The following ZFYVE1 variants were observed in gnomAD, a reference collection of about 807,000 sequenced individuals.
ZFYVE1 encodes zinc finger FYVE domain-containing protein 1.
A neutral mutation model predicts 74.4 loss-of-function variants in ZFYVE1; 30 were observed. That is an observed-to-expected ratio of 0.40 (90% CI 0.30 to 0.55). The LOEUF (loss-of-function observed/expected upper bound fraction) is 0.55. ZFYVE1 is among the 20% of genes least tolerant of loss of function. The probability of loss-of-function intolerance (pLI) is 0.42; values close to 1 mark genes in which losing one functional copy is unlikely to be tolerated. For synonymous variants in ZFYVE1, 335 were observed against 385.1 expected (o/e 0.87, Z 1.52); for missense variants, 703 against 1,011.6 (o/e 0.69, Z 4.14).
intron 1 of ZFYVE1, among the ~76,000 whole-genome samples, chr14:73,026,426 A>G (rs2140396701): frequency 6.6e-6 from 1 of 152,216 alleles, no homozygotes; most frequent in Middle Eastern, 3.4e-3. Flanking sequence ...CAATCTATCA[A>G]CCTTATTTTC....
chr14:72,982,389 G>GA (rs200299540), intron 4 of ZFYVE1, among the ~76,000 whole-genome samples: 10,951 of 135,808 alleles, frequency 0.081, 517 homozygotes, highest in East Asian at 0.2. Flanking sequence ...AATGTCACCA[G>GA]AAAAAAAAAA....
At position 72,972,801 on chromosome 14, in the gene ZFYVE1, G is replaced by A. The variant is rs571119188; in HGVS notation, c.2101+1279C>T. 2.3e-4 allele frequency among the ~76,000 whole-genome samples: 35 copies of A among 151,122 alleles called. No homozygotes were observed. In the East Asian group the frequency reaches 5.3e-3, roughly 23 times the overall value. ...CGCCTCACTGCAAGCTCCACCTCCC[G>A]GGTTCATGCCATTCTCCTGCCTCAG... On this transcript the variant is annotated intron_variant, in intron 11 of 11. Coordinates refer to ENST00000556143, the MANE Select transcript of ZFYVE1 (RefSeq NM_021260.4).
At chr14:73,023,329 A>ATATT (rs1555535666) in intron 2 of ZFYVE1, among the ~76,000 whole-genome samples, 39 of 89,912 alleles carry the variant, frequency 4.3e-4, no homozygotes, top group African/African-American at 1.7e-3. Context: ...TATAATATAT[A>ATATT]TTATATATGT....
chr14:73,025,693 C>CAAAA (rs34131740), intron 1 of ZFYVE1, among the ~76,000 whole-genome samples: 4 of 76,210 alleles, frequency 5.2e-5, no homozygotes, highest in Admixed American at 4.8e-4. Context: ...AAGACTCCCT[C>CAAAA]AAAAAAAAAA....
chr14:72,983,384 T>G (rs993328174), intron 4 of ZFYVE1, among the ~76,000 whole-genome samples: 2 of 125,734 alleles, frequency 1.6e-5, no homozygotes, highest in African/African-American at 3.0e-5. Context: ...ATGTGTGATG[T>G]TCCCCCCCTT....
At chr14:73,014,419 A>G (rs1330823671) in intron 2 of ZFYVE1, among the ~76,000 whole-genome samples, 1 of 152,186 alleles carries the variant, frequency 6.6e-6, no homozygotes, top group African/African-American at 2.4e-5. Context: ...CTCTACCAAT[A>G]TCACTAAACA....
intron 2 of ZFYVE1, among the ~76,000 whole-genome samples, chr14:73,019,425 T>C (rs12588808): frequency 6.9e-6 from 1 of 145,630 alleles, no homozygotes; most frequent in East Asian, 2.0e-4. Context: ...AAAAAAAAAA[T>C]CCCTATGTAC....
In ZFYVE1 at chr14:73,027,102, G is replaced by C; in HGVS notation, c.-611C>G. The stretch of plus-strand genomic sequence containing the variant: ...TGTTGTCAGTTGGGATCAGCTGATC[G>C]GAGTGAACTTCTCCCAGCTCGGACT... On this transcript the variant is annotated 5_prime_UTR_variant, in exon 1 of 12. Coordinates refer to ENST00000556143, the MANE Select transcript of ZFYVE1 (RefSeq NM_021260.4). 3 of 398,826 alleles carry C rather than the reference G, an allele frequency of 7.5e-6. No individual in the cohort carries two copies. Among genetic ancestry groups the C allele is most frequent in the Admixed American group, 4.4e-5 (1 of 22,744 alleles). The allele number at this position is 398,826 out of a possible 1,614,324, so 24.7% of individuals were successfully genotyped here.
intron 3 of ZFYVE1, among the ~76,000 whole-genome samples, chr14:72,997,307 GTTC>G (rs1216758573): frequency 2.6e-5 from 4 of 152,130 alleles, no homozygotes; most frequent in African/African-American, 9.7e-5. Flanking sequence ...CAATCTCATT[GTTC>G]TTCTTTGCTT....
chr14:73,021,863 A>G (rs1383706274), intron 2 of ZFYVE1, among the ~76,000 whole-genome samples: 1 of 152,200 alleles, frequency 6.6e-6, no homozygotes, highest in African/African-American at 2.4e-5. Context: ...ATATGCTCTT[A>G]ATTCTCAACT....
chr14:72,969,872 C>A lies in ZFYVE1; in HGVS notation c.*1010G>T. 1.6e-6 allele frequency: 1 copy of A among 627,124 alleles called. No homozygotes were observed. Among genetic ancestry groups the A allele is most frequent in the South Asian group, 1.9e-5 (1 of 52,634 alleles). 38.8% of individuals were successfully genotyped at this position (627,124 alleles called of 1,614,324 possible). A position where few individuals can be genotyped will look rare whatever the true frequency, so the allele number is the denominator to read the frequency against. ...AGACTTTTAAAAACAACTAACAGTT[C>A]ATCCTGTGCTCAGTTTCCCTGGAAG... On this transcript the variant is annotated 3_prime_UTR_variant, in exon 12 of 12. Coordinates refer to ENST00000556143, the MANE Select transcript of ZFYVE1 (RefSeq NM_021260.4).
intron 3 of ZFYVE1, among the ~76,000 whole-genome samples, chr14:72,994,900 C>T (rs1893709030): frequency 6.6e-6 from 1 of 152,178 alleles, no homozygotes; most frequent in Non-Finnish European, 1.5e-5. Context: ...TTTGAAAATT[C>T]TGGTCTTTTG....
At chr14:73,016,466 C>A (rs769055359) in intron 2 of ZFYVE1, among the ~76,000 whole-genome samples, 29 of 151,278 alleles carry the variant, frequency 1.9e-4, no homozygotes, top group Non-Finnish European at 3.5e-4. Context: ...AGCTTGAGAT[C>A]GTGCCACTGC....
At chr14:73,010,849 T>C (rs1314019940) in intron 2 of ZFYVE1, among the ~76,000 whole-genome samples, 3 of 150,960 alleles carry the variant, frequency 2.0e-5, no homozygotes, top group East Asian at 1.9e-4. Context: ...TTACATTTCA[T>C]TGAAAATCCT....
chr14:72,994,816 A>G (rs760873944), intron 3 of ZFYVE1, among the ~76,000 whole-genome samples: 8 of 152,204 alleles, frequency 5.3e-5, no homozygotes, highest in African/African-American at 1.2e-4. Context: ...ACTCAAAAGC[A>G]GCAATACAGT....
intron 2 of ZFYVE1, among the ~76,000 whole-genome samples, chr14:73,002,759 T>C (rs1893899279): frequency 7.5e-6 from 1 of 132,638 alleles, no homozygotes; most frequent in Non-Finnish European, 1.7e-5. Flanking sequence ...TTTTTTTTTC[T>C]GAGACAGAGT....
chr14:72,975,381 A>G lies in ZFYVE1; in HGVS notation c.1806+170T>C, dbSNP rs973769107. ...AACACGAAGGGAAATCAATGGGCAA[A>G]GAGAAACTGGCTGCCTCAACGACTC... On this transcript the variant is annotated intron_variant, in intron 9 of 11. Coordinates refer to ENST00000556143, the MANE Select transcript of ZFYVE1 (RefSeq NM_021260.4). The surrounding 1 kb of genome is among the most constrained non-coding windows in gnomAD (Gnocchi z 4.1). 9.9e-5 allele frequency among the ~76,000 whole-genome samples: 15 copies of G among 152,186 alleles called. No homozygotes were observed. The highest frequency in any genetic ancestry group is 3.6e-4 in the African/African-American group (15 of 41,438).
intron 2 of ZFYVE1, among the ~76,000 whole-genome samples, chr14:73,013,994 G>A (rs1285007295): frequency 6.6e-6 from 1 of 152,094 alleles, no homozygotes; most frequent in African/African-American, 2.4e-5. Context: ...AAACACTGAA[G>A]GTCAAATTAA....
In ZFYVE1 at chr14:73,024,569, G is replaced by T; in HGVS notation, c.-61C>A. 2.6e-6 allele frequency: 4 copies of T among 1,519,372 alleles called. No homozygotes were observed. The highest frequency in any genetic ancestry group is 2.8e-5 in the African/African-American group (2 of 72,010). 94.1% of individuals were successfully genotyped at this position (1,519,372 alleles called of 1,614,324 possible). A position where few individuals can be genotyped will look rare whatever the true frequency, so the allele number is the denominator to read the frequency against. On this transcript the variant is annotated 5_prime_UTR_variant, in exon 2 of 12. Coordinates refer to ENST00000556143, the MANE Select transcript of ZFYVE1 (RefSeq NM_021260.4). ...TAGTCACTGAGCTTGCCCCGGGGGT[G>T]AAGACGAAGATTTGAGTCTGAAGAC...
Sources: allele counts gnomAD v4.1 joint callset (sites outside exome capture counted in the v4.1 genomes callset), GRCh38; gene constraint gnomAD v4.1.1; non-coding constraint Gnocchi (gnomAD v3.1); transcripts MANE v1.5; gene names NCBI Gene and HGNC (gene_info 2026-07-23, HGNC 2026-07-21).